ENTPD6: variants seen among roughly 807,000 people sequenced by gnomAD.
ENTPD6 encodes the protein CD39 antigen-like 2.
Under a neutral mutation model 61.5 loss-of-function variants are expected in ENTPD6, and 46 were observed. The ratio of observed to expected loss-of-function variants is 0.75; its 90% CI spans 0.59 to 0.96. ENTPD6 has a LOEUF of 0.96. ENTPD6 is among the 40% of genes least tolerant of loss of function. The pLI is 0.00. For missense variants in ENTPD6, 612 were observed against 629.0 expected (o/e 0.97, Z 0.29); for synonymous variants, 252 against 255.5 (o/e 0.99, Z 0.13).
chr20:25,201,770 C>T (rs1200750820), intron 1 of ENTPD6, among the ~76,000 whole-genome samples: 1 of 152,206 alleles, frequency 6.6e-6, no homozygotes, highest in Non-Finnish European at 1.5e-5. Context: ...GTCTAGAATG[C>T]AGTGGTGTAA....
At chr20:25,196,592 G>T (rs1427151183) in intron 1 of ENTPD6, among the ~76,000 whole-genome samples, 1 of 152,208 alleles carries the variant, frequency 6.6e-6, no homozygotes, top group African/African-American at 2.4e-5. Context: ...AGCTCTGGGT[G>T]TCCCTCCAGG....
rs202209498 is a variant in ENTPD6, at chr20:25,218,598, C to T, written c.927C>T (p.Gly309=). ...LMSARLAILG[G]VEGQPAKDGK... ...CGGCACGCCTGGCGATCCTGGGCGG[C>T]GTGGAGGGGCAGCCTGGTGAGTGGA... The change falls in exon 10 of 15, where the codon GGC becomes GGT. Residue 309 remains glycine, a synonymous_variant. Transcript: ENST00000376652. 7.6e-5 allele frequency: 122 copies of T among 1,606,520 alleles called. No homozygotes were observed. The highest frequency in any genetic ancestry group is 4.2e-4 in the East Asian group (19 of 44,742).
intron 10 of ENTPD6, 140 bp downstream of exon 10, chr20:25,218,754 G>C (rs969499938): frequency 1.1e-6 from 1 of 878,854 alleles, no homozygotes; most frequent in African/African-American, 1.7e-5. Context: ...CTGCTGTCCC[G>C]CTGCATGCTG....
Position 25,215,551 on chromosome 20 carries a change from T to C in ENTPD6, c.674-125T>C, listed in dbSNP as rs941348891. ...TCCTCTCTGCCGATGATCTGAAGGC[T>C]GGGTGTAGTGCGGAAGTGATCCCTT... On this transcript the variant is annotated intron_variant, in intron 6 of 14. Transcript: ENST00000376652. 8.2e-5 allele frequency: 74 copies of C among 899,896 alleles called. No individual in the cohort carries two copies. The Admixed American group carries it at 1.1e-3, about 13-fold the overall frequency. 55.7% of individuals were successfully genotyped at this position (899,896 alleles called of 1,614,324 possible).
chr20:25,195,882 G>C lies in ENTPD6; in HGVS notation c.-16+15G>C. ...CGCGGTGCATGGTAAGCGGCGGGCCGGGGCGCTGGCGGGGGCGGCCGGGGA... is the reference window on the plus strand; with the variant it reads ...CGCGGTGCATGGTAAGCGGCGGGCCCGGGCGCTGGCGGGGGCGGCCGGGGA... On this transcript the variant is annotated intron_variant, in intron 1 of 14. Transcript: ENST00000376652. 3 of 1,234,216 alleles carry C rather than the reference G, an allele frequency of 2.4e-6. No individual in the cohort carries two copies. Among genetic ancestry groups the C allele is most frequent in the Non-Finnish European group, 3.0e-6 (3 of 987,158 alleles). 76.5% of individuals were successfully genotyped at this position (1,234,216 alleles called of 1,614,324 possible).
chr20:25,216,500 T>C (rs895553395), intron 7 of ENTPD6, 148 bp from the exon 8 acceptor site: 1 of 621,392 alleles, frequency 1.6e-6, no homozygotes. Context: ...CTTAGATATA[T>C]AGTGTACCCT....
At chr20:25,214,976 C>T (rs1458190428) in intron 6 of ENTPD6, 34 bp downstream of exon 6, 1 of 1,447,112 alleles carries the variant, frequency 6.9e-7, no homozygotes, top group Admixed American at 1.7e-5. Context: ...TACAGTGGGG[C>T]TGTGCAGTGA....
chr20:25,208,813 G>A (rs780944621), intron 3 of ENTPD6, among the ~76,000 whole-genome samples: 1 of 152,136 alleles, frequency 6.6e-6, no homozygotes, highest in Non-Finnish European at 1.5e-5. Flanking sequence ...ATCCTATTCC[G>A]CTGTTTATTG....
At chr20:25,221,696 G>A (rs1186146671) in intron 11 of ENTPD6, 1 of 360,078 alleles carries the variant, frequency 2.8e-6, no homozygotes, top group African/African-American at 2.1e-5. Context: ...AATAGAGGGA[G>A]GGTCTGCTTC....
chr20:25,219,389 C>G (rs1194647174), intron 10 of ENTPD6, among the ~76,000 whole-genome samples: 1 of 152,198 alleles, frequency 6.6e-6, no homozygotes, highest in Non-Finnish European at 1.5e-5. Flanking sequence ...GCTCATGATT[C>G]CAGCCTTGCA....
In ENTPD6 at chr20:25,207,222, CACCCAGGCCTTCTT is replaced by C. The variant is rs1257678313; in HGVS notation, c.202_215del (p.Thr68GlnfsTer35). 6.8e-6 allele frequency: 11 copies of C among 1,613,994 alleles called. No individual in the cohort carries two copies. ...ACATCAAGTGGCACCGGGCCACCGC[CACCCAGGCCTTCTT>C]CAGCATCACCAGGGCAGCCCCGGGG... On this transcript the variant is annotated frameshift_variant, in exon 3 of 15. Coordinates refer to ENST00000376652, the MANE Select transcript of ENTPD6 (RefSeq NM_001247.5). LOFTEE classifies it high-confidence loss of function.
At position 25,226,425 on chromosome 20, in the gene ENTPD6, C is replaced by T. The variant is rs569854435; in HGVS notation, c.*828C>T. 83 of 152,730 alleles carry T rather than the reference C, an allele frequency of 5.4e-4. 1 individual carries two copies. The highest frequency in any genetic ancestry group is 1.9e-3 in the African/African-American group (81 of 41,542). 9.5% of individuals were successfully genotyped at this position (152,730 alleles called of 1,614,324 possible). A position where few individuals can be genotyped will look rare whatever the true frequency, so the allele number is the denominator to read the frequency against. On this transcript the variant is annotated 3_prime_UTR_variant, in exon 15 of 15. Coordinates refer to ENST00000376652, the MANE Select transcript of ENTPD6 (RefSeq NM_001247.5). The stretch of plus-strand genomic sequence containing the variant: ...CACCAACTGTGTCCTGTGAATGTAT[C>T]GCTACTGTGAGCTGTTCCCGCCTAG...
chr20:25,196,040 T>G, intron 1 of ENTPD6, 173 bp downstream of exon 1: 1 of 850,146 alleles, frequency 1.2e-6, no homozygotes, highest in Non-Finnish European at 1.6e-6. Context: ...CCTGGATGTC[T>G]GGGCTCCGCT....
rs1295597586 is a variant in ENTPD6, at chr20:25,215,537, G to A, written c.674-139G>A. On this transcript the variant is annotated intron_variant, in intron 6 of 14. Coordinates refer to ENST00000376652, the MANE Select transcript of ENTPD6 (RefSeq NM_001247.5). Reference sequence around the variant, plus strand: ...TTTATGAGAAATGCTCCTCTCTGCCGATGATCTGAAGGCTGGGTGTAGTGC... The same window carrying A: ...TTTATGAGAAATGCTCCTCTCTGCCAATGATCTGAAGGCTGGGTGTAGTGC... 1.1e-5 allele frequency: 9 copies of A among 800,398 alleles called. No individual in the cohort carries two copies. The Admixed American group carries it at 1.2e-4, about 10-fold the overall frequency. The allele number at this position is 800,398 out of a possible 1,614,324, so 49.6% of individuals were successfully genotyped here.
intron 1 of ENTPD6, among the ~76,000 whole-genome samples, chr20:25,203,373 C>T (rs964477153): frequency 6.6e-6 from 1 of 152,202 alleles, no homozygotes; most frequent in African/African-American, 2.4e-5. Context: ...CTGCCCCATT[C>T]TCTCTTCTCT....
rs1358802239 is a variant in ENTPD6 at position 25,216,697 on chromosome 20, C to T, written c.759C>T (p.Gly253=). Reference sequence around the variant, plus strand: ...GCAGCGTGGGCATGCTGGACTTGGGCGGAGGATCCACTCAGATCGCCTTCC... The same window carrying T: ...GCAGCGTGGGCATGCTGGACTTGGGTGGAGGATCCACTCAGATCGCCTTCC... ...GGSSVGMLDL[G]GGSTQIAFLP... Residue 253 remains glycine (G), a synonymous_variant, in exon 8 of 15, where the codon GGC becomes GGT. Transcript: ENST00000376652. 13 of 1,607,504 alleles carry T rather than the reference C, an allele frequency of 8.1e-6. 1 individual carries two copies. The highest frequency in any genetic ancestry group is 3.4e-5 in the Admixed American group (2 of 59,358).
At chr20:25,217,703 C>T (rs2092394853) in intron 9 of ENTPD6, 122 bp downstream of exon 9, 1 of 816,770 alleles carries the variant, frequency 1.2e-6, no homozygotes, top group African/African-American at 1.7e-5. Context: ...TGGGAATCCA[C>T]CCAGACCTCT....
At chr20:25,217,852 A>T (rs1472350723) in intron 9 of ENTPD6, among the ~76,000 whole-genome samples, 1 of 135,954 alleles carries the variant, frequency 7.4e-6, no homozygotes, top group African/African-American at 2.9e-5. Context: ...TTCATCCTTT[A>T]TCTATAGTAT....
chr20:25,215,277 T>C (rs2073077), intron 6 of ENTPD6, among the ~76,000 whole-genome samples: 36,101 of 152,106 alleles, frequency 0.24, 5,440 homozygotes, highest in East Asian at 0.44. Flanking sequence ...TAGAATGTTG[T>C]TGCGTTGTTA....
Sources: allele counts gnomAD v4.1 joint callset (sites outside exome capture counted in the v4.1 genomes callset), GRCh38; gene constraint gnomAD v4.1.1; transcripts MANE v1.5; gene names NCBI Gene and HGNC (gene_info 2026-07-23, HGNC 2026-07-21).